TMC1: variants seen among roughly 807,000 people sequenced by gnomAD.
The protein encoded by TMC1 is transmembrane channel like 1.
In TMC1, 84 loss-of-function variants were observed where a neutral mutation model predicts 105.8. The ratio of observed to expected loss-of-function variants is 0.79; its 90% CI spans 0.67 to 0.95. The LOEUF is 0.95. TMC1 is among the 40% of genes least tolerant of loss of function. The pLI, the probability that TMC1 is intolerant of heterozygous loss-of-function variation, is 0.00. For synonymous variants in TMC1, 315 were observed against 311.5 expected, an observed-to-expected ratio of 1.01 and a Z score of -0.12; for missense variants, 817 against 914.1, an observed-to-expected ratio of 0.89 and a Z score of 1.37.
chr9:72,528,501 A>T (rs1823444313), intron 1 of TMC1, among the ~76,000 whole-genome samples: 1 of 151,892 alleles, frequency 6.6e-6, no homozygotes, highest in Admixed American at 6.6e-5. Context: ...TGCCTGGCGA[A>T]TTTTGTATTT....
At chr9:72,522,038 T>C (rs1823320848) in intron 1 of TMC1, 125 bp downstream of exon 1, 1 of 152,218 alleles carries the variant, frequency 6.6e-6, no homozygotes, top group Non-Finnish European at 1.5e-5. Flanking sequence ...GAAATAAAAC[T>C]ATATTTCCTC....
At chr9:72,768,697 A>G (rs1827877138) in intron 12 of TMC1, among the ~76,000 whole-genome samples, 1 of 152,108 alleles carries the variant, frequency 6.6e-6, no homozygotes, top group South Asian at 2.1e-4. Context: ...GCCAGCCATT[A>G]AACATATGTT....
At chr9:72,762,559 A>G (rs951452712) in intron 12 of TMC1, among the ~76,000 whole-genome samples, 4 of 152,210 alleles carry the variant, frequency 2.6e-5, no homozygotes, top group African/African-American at 7.2e-5. Context: ...CTGAACTTCT[A>G]GATCATGAAT....
At chr9:72,654,879 A>G (rs1326489500) in intron 5 of TMC1, among the ~76,000 whole-genome samples, 1 of 151,090 alleles carries the variant, frequency 6.6e-6, no homozygotes, top group Non-Finnish European at 1.5e-5. Context: ...ATTTTTTTGT[A>G]GTACAGATCT....
rs1029477943 is a variant in TMC1 at position 72,718,875 on chromosome 9, T to C, written c.362+18232T>C. Among the ~76,000 whole-genome samples, 19 of 152,154 alleles carry C rather than the reference T, an allele frequency of 1.2e-4. 1 individual carries two copies. Among genetic ancestry groups the C allele is most frequent in the African/African-American group, 4.6e-4 (19 of 41,432 alleles). ...ACCTCAGACTCTCCTTGTGTGGGGC[T>C]TGCTGTGGCTGCTGTGGGGATAGGG... is the stretch of plus-strand genomic sequence containing the variant. On this transcript the variant is annotated intron_variant, in intron 8 of 23. Transcript: ENST00000297784.
intron 17 of TMC1, among the ~76,000 whole-genome samples, chr9:72,793,585 A>G (rs1172705883): frequency 2.6e-5 from 4 of 152,052 alleles, no homozygotes; most frequent in Non-Finnish European, 4.4e-5. Flanking sequence ...GGGGTCTCCA[A>G]CCACCTCCTA....
At position 72,711,165 on chromosome 9, in the gene TMC1, C is replaced by A. The variant is rs140150033; in HGVS notation, c.362+10522C>A. Among the ~76,000 whole-genome samples the A allele has an allele frequency of 6.3e-3, 961 of 152,290 alleles. 12 individuals carry two copies. The highest frequency in any genetic ancestry group is 0.03 in the South Asian group (144 of 4,824). On this transcript the variant is annotated intron_variant, in intron 8 of 23. Coordinates refer to ENST00000297784, the MANE Select transcript of TMC1 (RefSeq NM_138691.3). The stretch of plus-strand genomic sequence containing the variant: ...GCCACATTTTCTTTATCTAGTCTAT[C>A]ATTGATGGGCATTTGGGTTGGTTCC...
intron 2 of TMC1, chr9:72,578,361 T>A (rs1564423378): frequency 6.6e-6 from 1 of 151,924 alleles, no homozygotes; most frequent in Non-Finnish European, 1.5e-5. Flanking sequence ...TCCATGTTAT[T>A]AACATACTGT....
intron 3 of TMC1, among the ~76,000 whole-genome samples, chr9:72,619,925 C>G (rs1224297723): frequency 1.3e-5 from 2 of 151,420 alleles, no homozygotes; most frequent in Non-Finnish European, 2.9e-5. Flanking sequence ...ACCTCCACCT[C>G]CTGGGTTCAA....
chr9:72,538,427 G>A (rs577101556), intron 1 of TMC1, among the ~76,000 whole-genome samples: 7 of 146,012 alleles, frequency 4.8e-5, no homozygotes, highest in Non-Finnish European at 1.1e-4. Flanking sequence ...GTATTGTATT[G>A]TATTGTATTG....
At chr9:72,803,180 T>G (rs1828506347) in intron 17 of TMC1, among the ~76,000 whole-genome samples, 1 of 152,186 alleles carries the variant, frequency 6.6e-6, no homozygotes, top group Non-Finnish European at 1.5e-5. Flanking sequence ...GGCTAGCCTA[T>G]GCAGAAAATT....
chr9:72,751,054 C>G (rs1046819374), intron 10 of TMC1, among the ~76,000 whole-genome samples: 3 of 152,198 alleles, frequency 2.0e-5, no homozygotes, highest in African/African-American at 7.2e-5. Flanking sequence ...CAATACTTTC[C>G]CTTCCCTCCT....
chr9:72,533,632 A>G (rs536685563), intron 1 of TMC1, among the ~76,000 whole-genome samples: 1 of 152,304 alleles, frequency 6.6e-6, no homozygotes. Flanking sequence ...TAGCTTATGA[A>G]AACAAAGATA....
At chr9:72,669,619 G>C (rs921644160) in intron 5 of TMC1, among the ~76,000 whole-genome samples, 2 of 151,680 alleles carry the variant, frequency 1.3e-5, no homozygotes, top group Non-Finnish European at 2.9e-5. Flanking sequence ...TAAAATTGGT[G>C]ATTTCACATA....
intron 2 of TMC1, among the ~76,000 whole-genome samples, chr9:72,607,126 ATTGTAGATACTCAATAAATGTTT>A (rs941459413): frequency 7.0e-4 from 107 of 152,178 alleles, no homozygotes; most frequent in African/African-American, 2.5e-3. Context: ...TGCCCAATAC[ATTGTAGATACTCAATAAATGTTT>A]TTGTATGATC....
chr9:72,758,310 T>A (rs1396501615), intron 12 of TMC1, among the ~76,000 whole-genome samples: 1 of 152,082 alleles, frequency 6.6e-6, no homozygotes, highest in East Asian at 1.9e-4. Context: ...TATACTAGGG[T>A]CAAAATAATT....
At chr9:72,833,156 AT>A (rs1182168937) in intron 23 of TMC1, among the ~76,000 whole-genome samples, 1 of 152,126 alleles carries the variant, frequency 6.6e-6, no homozygotes, top group Non-Finnish European at 1.5e-5. Context: ...TAGTTATATT[AT>A]TATTTTGGTT....
rs1203412671 is a variant in TMC1 at position 72,837,373 on chromosome 9, C to A, written c.*1400C>A. ...TTATTTTAGAGAGATAGTTTAACCA[C>A]CACCTGACCATCACCAAATGGTCAC... On this transcript the variant is annotated 3_prime_UTR_variant, in exon 24 of 24. Transcript: ENST00000297784. 6.6e-6 allele frequency: 1 copy of A among 152,204 alleles called. No homozygotes were observed. Among genetic ancestry groups the A allele is most frequent in the Non-Finnish European group, 1.5e-5 (1 of 68,052 alleles). 9.4% of individuals were successfully genotyped at this position (152,204 alleles called of 1,614,324 possible).
At chr9:72,758,886 CTATT>C (rs1827711300) in intron 12 of TMC1, among the ~76,000 whole-genome samples, 1 of 149,956 alleles carries the variant, frequency 6.7e-6, no homozygotes, top group African/African-American at 2.5e-5. Flanking sequence ...TATGATATTT[CTATT>C]TATTTATGAA....
Sources: allele counts gnomAD v4.1 joint callset (sites outside exome capture counted in the v4.1 genomes callset), GRCh38; gene constraint gnomAD v4.1.1; transcripts MANE v1.5; gene names NCBI Gene and HGNC (gene_info 2026-07-23, HGNC 2026-07-21).